CHST9: variants seen among roughly 807,000 people sequenced by gnomAD.
CHST9 encodes the protein GalNAc-4-sulfotransferase 2.
CHST9 carries 41 observed loss-of-function variants against 44.4 expected under a neutral mutation model. The ratio of observed to expected loss-of-function variants is 0.92; its 90% confidence interval spans 0.72 to 1.20. The LOEUF is 1.20. Among genes scored for constraint, CHST9 ranks in the 50% most tolerant of loss-of-function variants. CHST9 has a pLI of 0.00. For missense variants in CHST9, 504 were observed against 516.5 expected (o/e 0.98, Z 0.23); for synonymous variants, 171 against 178.4 (o/e 0.96, Z 0.33).
chr18:27,180,875 G>A (rs186665514), intron 1 of CHST9, among the ~76,000 whole-genome samples: 1 of 151,864 alleles, frequency 6.6e-6, no homozygotes, highest in Non-Finnish European at 1.5e-5. Context: ...TATCCTGTGG[G>A]TCTCAATTAT....
intron 2 of CHST9, among the ~76,000 whole-genome samples, chr18:27,138,515 C>T (rs2058536450): frequency 6.6e-6 from 1 of 151,844 alleles, no homozygotes; most frequent in Admixed American, 6.6e-5. Context: ...TTTTTTTAAA[C>T]CTTACTCAGT....
chr18:27,003,630 T>C (rs989536858), intron 4 of CHST9, among the ~76,000 whole-genome samples: 8 of 152,172 alleles, frequency 5.3e-5, no homozygotes, highest in African/African-American at 1.9e-4. Flanking sequence ...CTGATATTCC[T>C]CACATATAGC....
intron 2 of CHST9, among the ~76,000 whole-genome samples, chr18:27,103,440 A>C (rs1567916382): frequency 1.3e-5 from 2 of 152,206 alleles, no homozygotes; most frequent in African/African-American, 4.8e-5. Flanking sequence ...TTAATGGCTC[A>C]GTCAAGGTCC....
intron 2 of CHST9, among the ~76,000 whole-genome samples, chr18:27,130,371 A>C (rs2058461069): frequency 6.6e-6 from 1 of 152,332 alleles, no homozygotes; most frequent in Non-Finnish European, 1.5e-5. Context: ...TAAAGTAAGA[A>C]ACACTGAGAG....
chr18:26,984,962 C>T (rs1186917034), intron 4 of CHST9, among the ~76,000 whole-genome samples: 1 of 152,262 alleles, frequency 6.6e-6, no homozygotes, highest in East Asian at 1.9e-4. Context: ...CAAAGCAAAG[C>T]ATATGCCTGT....
intron 2 of CHST9, among the ~76,000 whole-genome samples, chr18:27,063,033 G>A (rs1300597403): frequency 6.6e-6 from 1 of 152,194 alleles, no homozygotes; most frequent in African/African-American, 2.4e-5. Flanking sequence ...GGTGTGTCAT[G>A]ACAAAACACC....
chr18:27,045,127 A>G (rs1255208020), intron 3 of CHST9, among the ~76,000 whole-genome samples: 2 of 151,560 alleles, frequency 1.3e-5, no homozygotes, highest in East Asian at 1.9e-4. Context: ...TTCTAACTTT[A>G]GGGATGCTCT....
intron 2 of CHST9, among the ~76,000 whole-genome samples, chr18:27,086,032 C>T (rs931726472): frequency 2.6e-5 from 4 of 152,152 alleles, no homozygotes; most frequent in Admixed American, 2.6e-4. Flanking sequence ...AAACCAAATA[C>T]TGCATGTTCT....
chr18:26,939,460 T>C (rs556020680), intron 5 of CHST9, among the ~76,000 whole-genome samples: 3 of 152,366 alleles, frequency 2.0e-5, no homozygotes, highest in South Asian at 2.1e-4. Context: ...AAACGTATTG[T>C]ATGGCTTTCC....
intron 5 of CHST9, among the ~76,000 whole-genome samples, chr18:26,940,611 G>A (rs186055820): frequency 1.1e-3 from 168 of 152,286 alleles, no homozygotes; most frequent in South Asian, 9.5e-3. Flanking sequence ...TGAAGCAGGG[G>A]TTATGGGTGG....
intron 1 of CHST9, among the ~76,000 whole-genome samples, chr18:27,171,059 C>T (rs181705555): frequency 3.9e-5 from 6 of 152,276 alleles, no homozygotes; most frequent in Admixed American, 2.0e-4. Flanking sequence ...AGAAGAAAAG[C>T]GCATGACTAC....
intron 2 of CHST9, among the ~76,000 whole-genome samples, chr18:27,052,808 G>A (rs750601233): frequency 2.0e-5 from 3 of 151,974 alleles, no homozygotes; most frequent in Non-Finnish European, 4.4e-5. Flanking sequence ...CGTCCTCAGC[G>A]AACTAACACA....
intron 1 of CHST9, chr18:27,143,138 G>A (rs1345830255): frequency 6.3e-6 from 1 of 158,990 alleles, no homozygotes; most frequent in East Asian, 1.8e-4. Flanking sequence ...CTAACATTTA[G>A]TTAGGCAAAG....
chr18:26,986,026 C>G (rs997467561), intron 4 of CHST9, among the ~76,000 whole-genome samples: 1 of 152,010 alleles, frequency 6.6e-6, no homozygotes, highest in African/African-American at 2.4e-5. Context: ...TCTAGGAATA[C>G]AAAAACATCC....
intron 1 of CHST9, among the ~76,000 whole-genome samples, chr18:27,164,471 T>G (rs12326427): frequency 0.026 from 3,981 of 152,024 alleles, 153 homozygotes; most frequent in African/African-American, 0.089. Flanking sequence ...GAAATTGGAT[T>G]AATTTAAGAG....
At chr18:27,063,578 A>G (rs1199857618) in intron 2 of CHST9, among the ~76,000 whole-genome samples, 1 of 152,180 alleles carries the variant, frequency 6.6e-6, no homozygotes, top group Non-Finnish European at 1.5e-5. Flanking sequence ...GATACAGACA[A>G]TCCACTGTCA....
intron 2 of CHST9, among the ~76,000 whole-genome samples, chr18:27,062,162 CT>C (rs200444785): frequency 6.6e-5 from 10 of 151,528 alleles, no homozygotes; most frequent in South Asian, 2.1e-4. Context: ...TTGGTCAATT[CT>C]TTTTTTTTAT....
chr18:26,929,935 C>T (rs773478861), intron 5 of CHST9, among the ~76,000 whole-genome samples: 30 of 152,290 alleles, frequency 2.0e-4, no homozygotes, highest in Non-Finnish European at 4.0e-4. Flanking sequence ...GCCTACTAGT[C>T]CAAAGCCACC....
chr18:27,143,225 G>C (rs551492983), intron 1 of CHST9, among the ~76,000 whole-genome samples: 16 of 152,166 alleles, frequency 1.1e-4, no homozygotes, highest in Non-Finnish European at 2.1e-4. Context: ...TTGCAAGTAG[G>C]AAGAATAACA....
Sources: gnomAD v4.1 joint callset for allele counts (sites outside exome capture counted in the v4.1 genomes callset) on GRCh38, gnomAD v4.1.1 for gene constraint, MANE v1.5 for transcripts, NCBI Gene and HGNC (gene_info 2026-07-23, HGNC 2026-07-21) for gene names.